The following MEF2A variants were observed in gnomAD, a reference collection of about 807,000 sequenced individuals.
MEF2A encodes the protein myocyte enhancer factor 2A.
Under a neutral mutation model 55.8 loss-of-function variants are expected in MEF2A, and 28 were observed. The observed-to-expected ratio is 0.50, with a 90% CI of 0.37 to 0.69. The LOEUF (loss-of-function observed/expected upper bound fraction) is 0.69. Ranked by LOEUF, MEF2A falls within the 30% of genes least tolerant of loss-of-function variation. The pLI, the probability that MEF2A is intolerant of heterozygous loss-of-function variation, is 0.00. For synonymous variants in MEF2A, 239 were observed against 227.1 expected (o/e 1.05, Z -0.47); for missense variants, 528 against 626.2 (o/e 0.84, Z 1.67).
chr15:99,636,723 C>T (rs1370520833), intron 3 of MEF2A, among the ~76,000 whole-genome samples: 1 of 152,118 alleles, frequency 6.6e-6, no homozygotes, highest in Non-Finnish European at 1.5e-5. Context: ...ATGAGTAGTG[C>T]CTTTTGTGTC....
chr15:99,682,612 G>C (rs1362049980), intron 7 of MEF2A, among the ~76,000 whole-genome samples: 1 of 152,166 alleles, frequency 6.6e-6, no homozygotes, highest in Non-Finnish European at 1.5e-5. Flanking sequence ...CTTAGCTTCA[G>C]CCTGGCAAGT....
rs561516876 is a variant in MEF2A, at chr15:99,650,007, C to G, written c.258+4243C>G. On this transcript the variant is annotated intron_variant, in intron 4 of 11. Transcript: ENST00000557942. ...ATGGCAATTCAGATTATTGTGCTGT[C>G]ATTTAAGGATGTAAATAAAAGGGTC... is the stretch of plus-strand genomic sequence containing the variant. Among the ~76,000 whole-genome samples the G allele has an allele frequency of 8.5e-5, 13 of 152,238 alleles. No individual in the cohort carries two copies. In the East Asian group the frequency reaches 1.4e-3, roughly 16 times the overall value.
intron 1 of MEF2A, among the ~76,000 whole-genome samples, chr15:99,595,897 C>G (rs567819973): frequency 6.6e-6 from 1 of 152,050 alleles, no homozygotes; most frequent in Non-Finnish European, 1.5e-5. Context: ...AACGGGTAGT[C>G]GAGGGAGATA....
intron 2 of MEF2A, among the ~76,000 whole-genome samples, chr15:99,615,373 G>A (rs1482648453): frequency 6.6e-6 from 1 of 152,060 alleles, no homozygotes; most frequent in Non-Finnish European, 1.5e-5. Context: ...TTATTTTACA[G>A]TTTTTAATAT....
chr15:99,617,281 G>T (rs543935458), intron 2 of MEF2A, among the ~76,000 whole-genome samples: 1 of 150,294 alleles, frequency 6.7e-6, no homozygotes. Context: ...TTTTTGTATG[G>T]TCTGTATTTA....
intron 1 of MEF2A, among the ~76,000 whole-genome samples, chr15:99,570,003 T>A (rs544470796): frequency 1.5e-4 from 23 of 151,880 alleles, no homozygotes; most frequent in Non-Finnish European, 2.8e-4. Context: ...ACTAAATTTT[T>A]ATATAGATGC....
intron 1 of MEF2A, among the ~76,000 whole-genome samples, chr15:99,572,753 T>A (rs982042822): frequency 6.6e-6 from 1 of 152,210 alleles, no homozygotes; most frequent in Non-Finnish European, 1.5e-5. Context: ...TAGACAAAAG[T>A]TTTTTGCTCT....
intron 3 of MEF2A, among the ~76,000 whole-genome samples, chr15:99,637,890 G>C (rs138585607): frequency 2.0e-5 from 3 of 152,048 alleles, no homozygotes; most frequent in African/African-American, 4.8e-5. Flanking sequence ...TGATCTGCCC[G>C]CCTCGGCCTC....
At chr15:99,671,297 G>C (rs1365611278) in intron 4 of MEF2A, 26 bp from the exon 5 acceptor site, 1 of 1,590,584 alleles carries the variant, frequency 6.3e-7, no homozygotes, top group Admixed American at 1.7e-5. Flanking sequence ...CATTATTTGT[G>C]TGTGAATTTT....
intron 4 of MEF2A, among the ~76,000 whole-genome samples, chr15:99,657,952 G>A (rs2048010727): frequency 6.6e-6 from 1 of 152,116 alleles, no homozygotes; most frequent in Admixed American, 6.6e-5. Context: ...TGTTAACTGG[G>A]GGAAGCAAAT....
At chr15:99,620,309 A>G (rs895887853) in intron 2 of MEF2A, among the ~76,000 whole-genome samples, 6 of 152,184 alleles carry the variant, frequency 3.9e-5, no homozygotes. Context: ...TAAGCACAGT[A>G]GGTGATAGTT....
Position 99,712,550 on chromosome 15 carries a change from C to A in MEF2A, c.1297C>A (p.Pro433Thr), listed in dbSNP as rs778137086. Residue 433 changes from proline (P) to threonine (T), a missense_variant, in exon 12 of 12, where the codon CCG becomes ACG. By Grantham distance (38) the Pro-to-Thr change is conservative. Transcript: ENST00000557942. The surrounding 1 kb of genome is among the most constrained non-coding windows in gnomAD (Gnocchi z 4.1). ...QQQQQQPPPP[P>T]QPQPQPPQPQ... ...GCAGCAGCAGCAGCCGCCGCCACCA[C>A]CGCAGCCCCAGCCACAACCCCCGCA... 3.2e-6 allele frequency: 5 copies of A among 1,550,432 alleles called. No individual in the cohort carries two copies. In the South Asian group the frequency reaches 6.0e-5, roughly 18 times the overall value.
At chr15:99,638,280 T>C (rs988960261) in intron 3 of MEF2A, among the ~76,000 whole-genome samples, 4 of 152,122 alleles carry the variant, frequency 2.6e-5, no homozygotes, top group Non-Finnish European at 4.4e-5. Context: ...TTAAAGATAA[T>C]GTGTCTTTCT....
At chr15:99,569,584 C>A (rs924058446) in intron 1 of MEF2A, among the ~76,000 whole-genome samples, 1 of 152,136 alleles carries the variant, frequency 6.6e-6, no homozygotes, top group Admixed American at 6.5e-5. Flanking sequence ...TCTAAAGATT[C>A]AAGTTAAATA....
At chr15:99,684,783 T>A (rs1240956576) in intron 7 of MEF2A, among the ~76,000 whole-genome samples, 1 of 152,228 alleles carries the variant, frequency 6.6e-6, no homozygotes, top group Non-Finnish European at 1.5e-5. Context: ...AGCCAATGTC[T>A]AGAAGAGTTT....
intron 7 of MEF2A, among the ~76,000 whole-genome samples, chr15:99,677,426 C>T (rs945504110): frequency 6.6e-6 from 1 of 151,820 alleles, no homozygotes; most frequent in African/African-American, 2.4e-5. Flanking sequence ...AAAAAAACCC[C>T]GTAATGTTAA....
intron 1 of MEF2A, among the ~76,000 whole-genome samples, chr15:99,588,794 G>T (rs1263246083): frequency 2.6e-5 from 4 of 151,688 alleles, no homozygotes; most frequent in African/African-American, 4.8e-5. Context: ...TTCCTGAATG[G>T]GTGTTTTGTT....
chr15:99,660,732 T>C (rs1388000391), intron 4 of MEF2A, among the ~76,000 whole-genome samples: 4 of 152,236 alleles, frequency 2.6e-5, no homozygotes, highest in African/African-American at 9.6e-5. Flanking sequence ...TCTAGTGATA[T>C]GTAGAAGAGA....
At chr15:99,584,461 A>G (rs889952382) in intron 1 of MEF2A, among the ~76,000 whole-genome samples, 2 of 152,218 alleles carry the variant, frequency 1.3e-5, no homozygotes, top group African/African-American at 4.8e-5. Flanking sequence ...AGAATACATA[A>G]TAGGTTGTAT....
Sources: allele counts gnomAD v4.1 joint callset (sites outside exome capture counted in the v4.1 genomes callset), GRCh38; gene constraint gnomAD v4.1.1; non-coding constraint Gnocchi (gnomAD v3.1); transcripts MANE v1.5; gene names NCBI Gene and HGNC (gene_info 2026-07-23, HGNC 2026-07-21).